The following FAM180A variants were observed in gnomAD, a reference collection of about 807,000 sequenced individuals.
FAM180A encodes family with sequence similarity 180 member A, also known as protein FAM180A.
A neutral mutation model predicts 15.3 loss-of-function variants in FAM180A; 14 were observed. That is an observed-to-expected ratio of 0.92 (90% CI 0.61 to 1.43). The LOEUF is 1.43. FAM180A is among the 40% of genes most tolerant of loss of function. The pLI is 0.00. For missense variants in FAM180A, 200 were observed against 220.8 expected, an observed-to-expected ratio of 0.91 and a Z score of 0.60; for synonymous variants, 90 against 96.8, an observed-to-expected ratio of 0.93 and a Z score of 0.41.
intron 1 of FAM180A, among the ~76,000 whole-genome samples, 161 bp from the exon 2 acceptor site, chr7:135,737,360 G>T (rs1176385044): frequency 6.6e-6 from 1 of 152,128 alleles, no homozygotes; most frequent in Non-Finnish European, 1.5e-5. Flanking sequence ...GCCGAGGCGG[G>T]CGGATCACCT....
chr7:135,733,277 G>A (rs762116943), intron 3 of FAM180A, among the ~76,000 whole-genome samples: 2 of 152,126 alleles, frequency 1.3e-5, no homozygotes, highest in African/African-American at 2.4e-5. Flanking sequence ...CCTTAGGACC[G>A]AAGGAATCTG....
chr7:135,746,972 C>T (rs1301285199), intron 1 of FAM180A, among the ~76,000 whole-genome samples: 2 of 152,060 alleles, frequency 1.3e-5, no homozygotes, highest in South Asian at 2.1e-4. Context: ...TGGTGGTGCG[C>T]ACCTGTAACT....
intron 1 of FAM180A, among the ~76,000 whole-genome samples, chr7:135,743,976 T>G (rs1267597818): frequency 6.6e-6 from 1 of 152,200 alleles, no homozygotes. Flanking sequence ...AAAGTAGATG[T>G]TGACTTCTGT....
chr7:135,746,085 T>C (rs550515180), intron 1 of FAM180A, among the ~76,000 whole-genome samples: 9 of 152,268 alleles, frequency 5.9e-5, no homozygotes, highest in African/African-American at 1.9e-4. Flanking sequence ...ATTTGTTGAC[T>C]CAGCGCTGAC....
At chr7:135,746,711 C>G (rs1216867952) in intron 1 of FAM180A, among the ~76,000 whole-genome samples, 1 of 152,214 alleles carries the variant, frequency 6.6e-6, no homozygotes, top group Non-Finnish European at 1.5e-5. Context: ...CTTTTTACTT[C>G]CAAGTGCTAC....
intron 1 of FAM180A, among the ~76,000 whole-genome samples, chr7:135,739,939 C>G (rs1373856385): frequency 6.6e-6 from 1 of 152,190 alleles, no homozygotes; most frequent in African/African-American, 2.4e-5. Flanking sequence ...ATGACCAAAT[C>G]CCTGCACTAA....
intron 1 of FAM180A, among the ~76,000 whole-genome samples, chr7:135,747,159 ATTGT>A (rs1219048008): frequency 6.6e-6 from 1 of 152,182 alleles, no homozygotes; most frequent in African/African-American, 2.4e-5. Flanking sequence ...GTATCACTGG[ATTGT>A]TTGTAACACA....
intron 2 of FAM180A, among the ~76,000 whole-genome samples, chr7:135,734,701 C>T (rs1005885651): frequency 6.6e-6 from 1 of 152,180 alleles, no homozygotes; most frequent in Non-Finnish European, 1.5e-5. Flanking sequence ...CAAAGATCAT[C>T]TAAAGCATCA....
At chr7:135,737,063 G>T in intron 2 of FAM180A, 36 bp downstream of exon 2, 2 of 1,511,136 alleles carry the variant, frequency 1.3e-6, no homozygotes, top group South Asian at 2.3e-5. Flanking sequence ...AGAGTCTTTT[G>T]GGTGACTTGG....
chr7:135,744,452 A>G (rs949367324), intron 1 of FAM180A, among the ~76,000 whole-genome samples: 8 of 152,268 alleles, frequency 5.3e-5, no homozygotes, highest in Non-Finnish European at 1.2e-4. Flanking sequence ...ATCTTTTGCC[A>G]GATCTGACTG....
chr7:135,737,159 T>C lies in FAM180A; in HGVS notation c.117A>G (p.Ser39=). The change falls in exon 2 of 4, where the codon TCA becomes TCG. Residue 39 remains serine (S), a synonymous_variant. Coordinates refer to ENST00000338588, the MANE Select transcript of FAM180A (RefSeq NM_205855.4). ...FPAAHRPKRS[S]SLPLNPVLQT... is the part of the protein sequence containing the mutation. Reference sequence around the variant, plus strand: ...GCAGGACTGGGTTCAATGGCAGTGATGAGGACCTCTTTGGCCGGTGGGCGG... The same window carrying C: ...GCAGGACTGGGTTCAATGGCAGTGACGAGGACCTCTTTGGCCGGTGGGCGG... 1 of 1,611,030 alleles carries C rather than the reference T, an allele frequency of 6.2e-7. No homozygotes were observed. The highest frequency in any genetic ancestry group is 8.5e-7 in the Non-Finnish European group (1 of 1,179,094).
chr7:135,735,666 C>A (rs1230500573), intron 2 of FAM180A, among the ~76,000 whole-genome samples: 2 of 152,156 alleles, frequency 1.3e-5, no homozygotes, highest in African/African-American at 4.8e-5. Flanking sequence ...AATCTCTCCC[C>A]CTGGCTTAAC....
intron 1 of FAM180A, 38 bp from the exon 2 acceptor site, chr7:135,737,237 T>G: frequency 6.8e-7 from 1 of 1,472,830 alleles, no homozygotes; most frequent in Non-Finnish European, 9.2e-7. Context: ...GGCTGCTGTG[T>G]GCGCCCAGAC....
chr7:135,736,490 G>A (rs914352815), intron 2 of FAM180A, among the ~76,000 whole-genome samples: 2 of 152,230 alleles, frequency 1.3e-5, no homozygotes, highest in Admixed American at 6.5e-5. Context: ...CAGCGGACGG[G>A]AGATAGAGCC....
intron 3 of FAM180A, among the ~76,000 whole-genome samples, chr7:135,732,129 G>C (rs930958666): frequency 2.0e-5 from 3 of 152,216 alleles, no homozygotes; most frequent in Non-Finnish European, 4.4e-5. Context: ...GCAATGGCCA[G>C]CTAAGAAAGA....
intron 3 of FAM180A, among the ~76,000 whole-genome samples, chr7:135,731,997 G>T (rs1200610436): frequency 2.6e-5 from 4 of 152,200 alleles, no homozygotes; most frequent in South Asian, 4.1e-4. Flanking sequence ...AAGACAGAAA[G>T]ATCTCTGAGC....
Position 135,730,098 on chromosome 7 carries a change from C to G in FAM180A, c.*513G>C. 1.0e-6 allele frequency: 1 copy of G among 985,288 alleles called. No homozygotes were observed. The highest frequency in any genetic ancestry group is 1.2e-6 in the Non-Finnish European group (1 of 829,914). 61.0% of individuals were successfully genotyped at this position (985,288 alleles called of 1,614,324 possible). On this transcript the variant is annotated 3_prime_UTR_variant, in exon 4 of 4. Transcript: ENST00000338588. ...ATTTAACAAGCATTTGATTTTAGAC[C>G]ATTGGACCTGCAGAAATACTTTGAT... is the stretch of plus-strand genomic sequence containing the variant.
intron 1 of FAM180A, among the ~76,000 whole-genome samples, chr7:135,748,203 C>A (rs567935316): frequency 1.3e-5 from 2 of 152,296 alleles, no homozygotes; most frequent in East Asian, 3.9e-4. Context: ...GTGGTGGGGG[C>A]AGTCGAAGAA....
chr7:135,730,972 T>TTC (rs55639360), intron 3 of FAM180A, among the ~76,000 whole-genome samples: 34 of 152,046 alleles, frequency 2.2e-4, no homozygotes, highest in African/African-American at 8.2e-4. Context: ...TATTTTTTTT[T>TTC]CAGTCATTGA....
Sources: gnomAD v4.1 joint callset for allele counts (sites outside exome capture counted in the v4.1 genomes callset) on GRCh38, gnomAD v4.1.1 for gene constraint, MANE v1.5 for transcripts, NCBI Gene and HGNC (gene_info 2026-07-23, HGNC 2026-07-21) for gene names.